CHN2: variants seen among roughly 807,000 people sequenced by gnomAD.
The protein encoded by CHN2 is beta-chimaerin.
A neutral mutation model predicts 56.3 loss-of-function variants in CHN2; 35 were observed. The ratio of observed to expected loss-of-function variants is 0.62; its 90% confidence interval spans 0.47 to 0.82. The LOEUF (loss-of-function observed/expected upper bound fraction) is 0.82, where lower values mean the gene tolerates loss of function less well. Among genes scored for constraint, CHN2 ranks in the 40% least tolerant of loss-of-function variants. The probability of loss-of-function intolerance (pLI) is 0.00; values close to 1 mark genes in which losing one functional copy is unlikely to be tolerated. For synonymous variants in CHN2, 210 were observed against 212.8 expected, an observed-to-expected ratio of 0.99 and a Z score of 0.12; for missense variants, 491 against 580.5, an observed-to-expected ratio of 0.85 and a Z score of 1.58.
chr7:29,353,086 G>C (rs1223619643), intron 1 of CHN2, among the ~76,000 whole-genome samples: 1 of 152,188 alleles, frequency 6.6e-6, no homozygotes, highest in Non-Finnish European at 1.5e-5. Flanking sequence ...TGCCTAGGTG[G>C]CTGACTATCC....
intron 1 of CHN2, among the ~76,000 whole-genome samples, chr7:29,293,376 C>T (rs904141639): frequency 2.8e-5 from 3 of 108,806 alleles, no homozygotes; most frequent in Non-Finnish European, 4.0e-5. Context: ...CCCCCCCCCC[C>T]CATATTAACT....
At chr7:29,478,830 A>G (rs990517315) in intron 6 of CHN2, among the ~76,000 whole-genome samples, 6 of 152,204 alleles carry the variant, frequency 3.9e-5, no homozygotes, top group Non-Finnish European at 5.9e-5. Flanking sequence ...ATTGGGTGTT[A>G]TTATTGAAGG....
upstream of CHN2, among the ~76,000 whole-genome samples, chr7:29,191,011 T>G (rs911103357): frequency 1.3e-5 from 2 of 152,112 alleles, no homozygotes; most frequent in Admixed American, 1.3e-4. Context: ...CAGAGCTCAC[T>G]GCATCCTTGA....
chr7:29,261,037 G>A (rs1789505568), intron 1 of CHN2, among the ~76,000 whole-genome samples: 1 of 152,154 alleles, frequency 6.6e-6, no homozygotes, highest in Non-Finnish European at 1.5e-5. Flanking sequence ...TATTCAAAGA[G>A]AAACTCTGAA....
chr7:29,194,665 T>C (rs2078385506), upstream of CHN2: 1 of 343,380 alleles, frequency 2.9e-6, no homozygotes, highest in Non-Finnish European at 5.2e-6. Flanking sequence ...CGGCTGCCCC[T>C]CGGCCTCCCT....
At chr7:29,161,898 G>T (rs1795224646) in intron 2 of CHN2, among the ~76,000 whole-genome samples, 2 of 152,314 alleles carry the variant, frequency 1.3e-5, no homozygotes, top group South Asian at 4.1e-4. Flanking sequence ...AAGATAGACA[G>T]TTGGCAAATA....
intron 1 of CHN2, among the ~76,000 whole-genome samples, chr7:29,242,282 A>C (rs1787745568): frequency 6.6e-6 from 1 of 152,234 alleles, no homozygotes; most frequent in African/African-American, 2.4e-5. Context: ...AACCTCCAGC[A>C]ACCAGAGACT....
chr7:29,182,537 C>T (rs760737973), intron 2 of CHN2, among the ~76,000 whole-genome samples: 1 of 152,206 alleles, frequency 6.6e-6, no homozygotes, highest in African/African-American at 2.4e-5. Flanking sequence ...GTATTACCCA[C>T]GTTAAGCCTC....
rs55722880 is a variant in CHN2, at chr7:29,273,343, GTATATATATA to G, written c.49+78390_49+78399del. Among the ~76,000 whole-genome samples, 247 of 58,168 alleles carry G rather than the reference GTATATATATA, an allele frequency of 4.2e-3. 4 individuals carry two copies. The highest frequency in any genetic ancestry group is 9.5e-3 in the African/African-American group (148 of 15,586). The allele number at this position is 58,168 out of a possible 152,430, so 38.2% of individuals were successfully genotyped here. On this transcript the variant is annotated intron_variant, in intron 1 of 12. Transcript: ENST00000222792. Reference sequence around the variant, plus strand: ...CCATCATGCATATATATATATATGTGTATATATATATATATATATATATATATATATATAT... The same window carrying G: ...CCATCATGCATATATATATATATGTGTATATATATATATATATATATATAT...
intron 1 of CHN2, among the ~76,000 whole-genome samples, chr7:29,336,560 G>A (rs1001537969): frequency 1.3e-5 from 2 of 151,888 alleles, no homozygotes; most frequent in Admixed American, 6.6e-5. Flanking sequence ...AGGAGTTCAA[G>A]TCCAACCTGC....
intron 2 of CHN2, among the ~76,000 whole-genome samples, chr7:29,188,541 T>TAA (rs200976369): frequency 6.6e-6 from 1 of 151,786 alleles, no homozygotes; most frequent in Admixed American, 6.6e-5. Flanking sequence ...ATTTTTTTTT[T>TAA]AAAAAAAAGA....
intron 3 of CHN2, among the ~76,000 whole-genome samples, chr7:29,385,482 C>T (rs1056850424): frequency 6.6e-6 from 1 of 152,110 alleles, no homozygotes; most frequent in African/African-American, 2.4e-5. Flanking sequence ...TCCCCCGAGT[C>T]CTGACAGTCA....
chr7:29,386,322 G>A (rs1252195358), intron 3 of CHN2, among the ~76,000 whole-genome samples: 1 of 152,100 alleles, frequency 6.6e-6, no homozygotes, highest in East Asian at 1.9e-4. Flanking sequence ...AGTATCACCA[G>A]CACAAATCCC....
In CHN2 at chr7:29,415,270, A is replaced by G. The variant is rs374313202; in HGVS notation, c.576+14442A>G. 1.8e-3 allele frequency among the ~76,000 whole-genome samples: 278 copies of G among 152,326 alleles called. 14 individuals carry two copies. The South Asian group carries it at 0.054, about 30-fold the overall frequency. ...ACATAAACACGGAGCGACAGGGGCC[A>G]CCTGGCTGGCACTTGGGGAGTCAGA... On this transcript the variant is annotated intron_variant, in intron 6 of 12. Transcript: ENST00000222792.
chr7:29,147,240 A>C, intron 2 of CHN2: 1 of 409,586 alleles, frequency 2.4e-6, no homozygotes, highest in Non-Finnish European at 4.4e-6. Flanking sequence ...ATAACACAAA[A>C]TAAAGGAGGG....
In CHN2 at chr7:29,331,342, C is replaced by T. The variant is rs1025657682; in HGVS notation, c.50-23283C>T. Among the ~76,000 whole-genome samples, 10 of 152,222 alleles carry T rather than the reference C, an allele frequency of 6.6e-5. No individual in the cohort carries two copies. The East Asian group carries it at 7.8e-4, about 12-fold the overall frequency. The stretch of plus-strand genomic sequence containing the variant: ...AAGAGTGGGAAGCCATTCCCAACCC[C>T]GGGTCTGGAGGGGGCAACAAGAGGA... On this transcript the variant is annotated intron_variant, in intron 1 of 12. Coordinates refer to ENST00000222792, the MANE Select transcript of CHN2 (RefSeq NM_004067.4).
At chr7:29,470,374 A>T (rs957644011) in intron 6 of CHN2, among the ~76,000 whole-genome samples, 5 of 152,242 alleles carry the variant, frequency 3.3e-5, no homozygotes, top group Non-Finnish European at 5.9e-5. Flanking sequence ...TATATTGAGC[A>T]GTATCAGCTG....
At chr7:29,494,978 A>G (rs938870744) in intron 7 of CHN2, among the ~76,000 whole-genome samples, 1 of 143,356 alleles carries the variant, frequency 7.0e-6, no homozygotes, top group East Asian at 2.0e-4. Flanking sequence ...AAAAAAAAAA[A>G]AAATTGTCTA....
At chr7:29,473,482 T>TTTTTTTTTTTGTG (rs539151442) in intron 6 of CHN2, among the ~76,000 whole-genome samples, 52 of 118,186 alleles carry the variant, frequency 4.4e-4, no homozygotes, top group African/African-American at 1.7e-3. Context: ...TTTTTTTTTT[T>TTTTTTTTTTTGTG]TGTGTGTGTG....
Sources: allele counts gnomAD v4.1 joint callset (sites outside exome capture counted in the v4.1 genomes callset), GRCh38; gene constraint gnomAD v4.1.1; transcripts MANE v1.5; gene names NCBI Gene and HGNC (gene_info 2026-07-23, HGNC 2026-07-21).